The following SCMH1 variants were observed in gnomAD, a reference collection of about 807,000 sequenced individuals.
SCMH1 encodes polycomb protein SCMH1.
Under a neutral mutation model 70.8 loss-of-function variants are expected in SCMH1, and 37 were observed. That is an observed-to-expected ratio of 0.52 (90% CI 0.40 to 0.69). SCMH1 has a LOEUF of 0.69. Ranked by LOEUF, SCMH1 falls within the 30% of genes least tolerant of loss-of-function variation. The pLI is 0.00. For synonymous variants in SCMH1, 292 were observed against 307.4 expected, an observed-to-expected ratio of 0.95 and a Z score of 0.52; for missense variants, 607 against 827.3, an observed-to-expected ratio of 0.73 and a Z score of 3.27.
chr1:41,065,923 C>T (rs949675239), intron 10 of SCMH1, among the ~76,000 whole-genome samples: 1 of 152,082 alleles, frequency 6.6e-6, no homozygotes, highest in East Asian at 1.9e-4. Context: ...TTTAGATAAG[C>T]CCCAGCAGAA....
intron 1 of SCMH1, among the ~76,000 whole-genome samples, chr1:41,221,346 A>AT (rs947633398): frequency 3.9e-5 from 6 of 152,126 alleles, no homozygotes; most frequent in African/African-American, 1.4e-4. Context: ...TTGCATAACA[A>AT]TGTGAATGTA....
intron 8 of SCMH1, among the ~76,000 whole-genome samples, chr1:41,084,024 T>A (rs1292116450): frequency 6.6e-6 from 1 of 152,142 alleles, no homozygotes; most frequent in Non-Finnish European, 1.5e-5. Flanking sequence ...ATAAAAACCC[T>A]AGAAGAAATC....
chr1:41,141,445 T>C (rs1644063250), intron 6 of SCMH1, among the ~76,000 whole-genome samples: 1 of 152,230 alleles, frequency 6.6e-6, no homozygotes, highest in Admixed American at 6.5e-5. Context: ...CAGCAATGGC[T>C]GCTACATTAT....
At chr1:41,049,025 G>A (rs1350034439) in intron 10 of SCMH1, 135 bp from the exon 11 acceptor site, 2 of 807,888 alleles carry the variant, frequency 2.5e-6, no homozygotes, top group East Asian at 2.7e-5. Flanking sequence ...CTGGTGAAAT[G>A]CTGTGGGAGG....
At chr1:41,156,528 T>C (rs1204061353) in intron 4 of SCMH1, among the ~76,000 whole-genome samples, 2 of 152,170 alleles carry the variant, frequency 1.3e-5, no homozygotes, top group Admixed American at 1.3e-4. Flanking sequence ...AGCCTTGACC[T>C]CCCGGGCTCA....
intron 8 of SCMH1, among the ~76,000 whole-genome samples, chr1:41,098,332 C>G (rs1665653264): frequency 6.6e-6 from 1 of 152,090 alleles, no homozygotes; most frequent in Non-Finnish European, 1.5e-5. Flanking sequence ...GACCTTTTAC[C>G]AGGCTTCAAT....
intron 8 of SCMH1, among the ~76,000 whole-genome samples, chr1:41,090,970 C>T (rs553325890): frequency 3.4e-4 from 51 of 148,140 alleles, no homozygotes; most frequent in Non-Finnish European, 6.8e-4. Context: ...ACCTGGGAGG[C>T]GGAGCTTGCT....
intron 4 of SCMH1, among the ~76,000 whole-genome samples, chr1:41,155,929 G>A (rs1325014984): frequency 1.5e-5 from 2 of 135,738 alleles, no homozygotes; most frequent in East Asian, 2.2e-4. Context: ...AGGTTGCAAT[G>A]AGCTAAGATC....
At chr1:41,241,178 G>A (rs1430960577) in intron 1 of SCMH1, among the ~76,000 whole-genome samples, 1 of 152,226 alleles carries the variant, frequency 6.6e-6, no homozygotes, top group African/African-American at 2.4e-5. Flanking sequence ...CAAATTATCG[G>A]GGGGATTTGG....
chr1:41,113,168 G>T lies in SCMH1; in HGVS notation c.745+115C>A. On this transcript the variant is annotated intron_variant, in intron 8 of 14. Transcript: ENST00000337495. This position sits in a 1 kb window ranked among gnomAD's most constrained non-coding sequence, Gnocchi z 4.3. ...GTTTTTACCTAAGCTGCTGGCCCTT[G>T]CTCCTCCCCTGCATACTAGTGAAGT... 7.4e-7 allele frequency: 1 copy of T among 1,346,910 alleles called. No individual in the cohort carries two copies. The highest frequency in any genetic ancestry group is 1.0e-6 in the Non-Finnish European group (1 of 992,768). The allele number at this position is 1,346,910 out of a possible 1,614,324, so 83.4% of individuals were successfully genotyped here. A position where few individuals can be genotyped will look rare whatever the true frequency, so the allele number is the denominator to read the frequency against.
chr1:41,087,403 C>T (rs557084848), intron 8 of SCMH1, among the ~76,000 whole-genome samples: 74 of 151,142 alleles, frequency 4.9e-4, no homozygotes, highest in South Asian at 1.0e-3. Flanking sequence ...AAAATATTTA[C>T]GATATATGTT....
intron 6 of SCMH1, among the ~76,000 whole-genome samples, chr1:41,139,298 T>C (rs556120086): frequency 6.6e-6 from 1 of 152,328 alleles, no homozygotes; most frequent in East Asian, 1.9e-4. Flanking sequence ...CATTGTTCTC[T>C]CCCTTTTTTA....
intron 13 of SCMH1, among the ~76,000 whole-genome samples, chr1:41,034,485 G>A (rs924799557): frequency 6.6e-6 from 1 of 151,930 alleles, no homozygotes; most frequent in African/African-American, 2.4e-5. Context: ...CCACTACCAC[G>A]TCCGGCTAAT....
At chr1:41,069,883 A>G (rs1298459607) in intron 10 of SCMH1, among the ~76,000 whole-genome samples, 1 of 152,012 alleles carries the variant, frequency 6.6e-6, no homozygotes, top group African/African-American at 2.4e-5. Context: ...GACATAATCA[A>G]CTCCTTCTAA....
intron 10 of SCMH1, among the ~76,000 whole-genome samples, chr1:41,053,708 C>G (rs985872094): frequency 1.6e-4 from 25 of 152,146 alleles, no homozygotes; most frequent in African/African-American, 6.0e-4. Flanking sequence ...GCTGCAGTAA[C>G]AAAAGGCTGA....
chr1:41,198,480 A>C (rs1653556430), intron 1 of SCMH1, among the ~76,000 whole-genome samples: 1 of 152,232 alleles, frequency 6.6e-6, no homozygotes, highest in Non-Finnish European at 1.5e-5. Flanking sequence ...GCTTAGCAGA[A>C]GAAGTAACTT....
In SCMH1 at chr1:41,242,032, G is replaced by C. The variant is rs1330612000; in HGVS notation, c.-118+27C>G. The C allele has an allele frequency of 6.6e-6, 1 of 152,466 alleles. No homozygotes were observed. The highest frequency in any genetic ancestry group is 6.6e-5 in the Admixed American group (1 of 15,250). The allele number at this position is 152,466 out of a possible 1,614,324, so 9.4% of individuals were successfully genotyped here. On this transcript the variant is annotated intron_variant, in intron 1 of 14. Coordinates refer to ENST00000337495, the Ensembl canonical transcript of SCMH1. This position sits in a 1 kb window ranked among gnomAD's most constrained non-coding sequence, Gnocchi z 5.2. ...CCCCTCAGGGCACGAGCTCTTAGGC[G>C]GGCGGAGGCGGCCGCGAGGCGCTTA...
At chr1:41,050,925 C>T (rs186494233) in intron 10 of SCMH1, among the ~76,000 whole-genome samples, 2 of 152,092 alleles carry the variant, frequency 1.3e-5, no homozygotes, top group South Asian at 4.1e-4. Flanking sequence ...AGTAATGTGA[C>T]TCTTTTACTG....
At chr1:41,241,844 GC>G (rs1663636455) in intron 1 of SCMH1, among the ~76,000 whole-genome samples, 2 of 151,830 alleles carry the variant, frequency 1.3e-5, no homozygotes, top group Admixed American at 1.3e-4. Context: ...TGCAGAGCCG[GC>G]CTCCGGGCTC....
Sources: gnomAD v4.1 joint callset for allele counts (sites outside exome capture counted in the v4.1 genomes callset) on GRCh38, gnomAD v4.1.1 for gene constraint, Gnocchi (gnomAD v3.1) non-coding constraint, MANE v1.5 for transcripts, NCBI Gene and HGNC (gene_info 2026-07-23, HGNC 2026-07-21) for gene names.